Variants in PKNOX1 observed in about 807,000 individuals in gnomAD.
The protein encoded by PKNOX1 is PBX/knotted 1 homeobox 1, also known as homeobox protein PKNOX1.
In PKNOX1, 15 loss-of-function variants were observed where a neutral mutation model predicts 51.9. The observed-to-expected ratio is 0.29, with a 90% CI of 0.19 to 0.45. PKNOX1 has a LOEUF of 0.45. Ranked by LOEUF, PKNOX1 falls within the 20% of genes least tolerant of loss-of-function variation. PKNOX1 has a pLI of 1.00. For missense variants in PKNOX1, 462 were observed against 547.5 expected, an observed-to-expected ratio of 0.84 and a Z score of 1.56; for synonymous variants, 219 against 211.1, an observed-to-expected ratio of 1.04 and a Z score of -0.32.
At chr21:42,998,886 G>A (rs1978622676) in intron 1 of PKNOX1, among the ~76,000 whole-genome samples, 1 of 152,192 alleles carries the variant, frequency 6.6e-6, no homozygotes. Flanking sequence ...CATGGTGCAA[G>A]CTGTTGGTAG....
chr21:43,021,850 G>T lies in PKNOX1; in HGVS notation c.849+419G>T, dbSNP rs1037770994. Among the ~76,000 whole-genome samples, 2 of 152,248 alleles carry T rather than the reference G, an allele frequency of 1.3e-5. No homozygotes were observed. The highest frequency in any genetic ancestry group is 4.8e-5 in the African/African-American group (2 of 41,468). On this transcript the variant is annotated intron_variant, in intron 8 of 10. Coordinates refer to ENST00000291547, the MANE Select transcript of PKNOX1 (RefSeq NM_004571.5). The surrounding 1 kb of genome is among the most constrained non-coding windows in gnomAD (Gnocchi z 4.6). The stretch of plus-strand genomic sequence containing the variant: ...CACCCACAGGTGGGCCACCGGGTGG[G>T]TGCCTTTAGCTGGAAGCGAGTTTGT...
chr21:43,015,743 T>A (rs1178334126), intron 5 of PKNOX1, among the ~76,000 whole-genome samples: 1 of 152,240 alleles, frequency 6.6e-6, no homozygotes, highest in Non-Finnish European at 1.5e-5. Context: ...ATTCTCTTCA[T>A]AGCCTTTTGG....
At position 43,016,398 on chromosome 21, in the gene PKNOX1, G is replaced by A. The variant is rs377752171; in HGVS notation, c.523-510G>A. 1.6e-4 allele frequency among the ~76,000 whole-genome samples: 24 copies of A among 152,330 alleles called. No individual in the cohort carries two copies. In the East Asian group the frequency reaches 2.9e-3, roughly 18 times the overall value. On this transcript the variant is annotated intron_variant, in intron 5 of 10. Transcript: ENST00000291547. ...GCCAAGATCACACTTAGTCCGTGCC[G>A]GGGTCAAGAGTCAAGGTGGGTGCCA...
chr21:43,006,280 C>T (rs928469871), intron 2 of PKNOX1, among the ~76,000 whole-genome samples: 1 of 152,038 alleles, frequency 6.6e-6, no homozygotes, highest in South Asian at 2.1e-4. Flanking sequence ...TGTGCCACCA[C>T]GCCCAGCTAA....
intron 1 of PKNOX1, among the ~76,000 whole-genome samples, chr21:42,994,118 G>A (rs893829523): frequency 7.1e-6 from 1 of 141,006 alleles, no homozygotes; most frequent in Non-Finnish European, 1.5e-5. Flanking sequence ...ACGGCTCACT[G>A]CAGCCTCGAC....
At position 43,028,683 on chromosome 21, in the gene PKNOX1, T is replaced by G. The variant is rs376480532; in HGVS notation, c.927-19T>G. 1 of 1,611,470 alleles carries G rather than the reference T, an allele frequency of 6.2e-7. No individual in the cohort carries two copies. Among genetic ancestry groups the G allele is most frequent in the African/African-American group, 1.3e-5 (1 of 74,634 alleles). On this transcript the variant is annotated intron_variant, in intron 9 of 10. Coordinates refer to ENST00000291547, the MANE Select transcript of PKNOX1 (RefSeq NM_004571.5). ...TTACGAAGGCTGTTTTCATGGAAGC[T>G]TCTCTTTGTTGACTCCAGGTTCATC... is the stretch of plus-strand genomic sequence containing the variant.
chr21:43,002,058 A>G (rs866861814), intron 1 of PKNOX1, among the ~76,000 whole-genome samples: 34 of 152,120 alleles, frequency 2.2e-4, no homozygotes, highest in African/African-American at 6.3e-4. Flanking sequence ...GGGTCTTGCT[A>G]TGTTGCCCAG....
In PKNOX1 at chr21:43,016,917, A is replaced by G. The variant is rs971442451; in HGVS notation, c.532A>G (p.Ser178Gly). The G allele has an allele frequency of 2.5e-6, 4 of 1,603,790 alleles. No individual in the cohort carries two copies. The highest frequency in any genetic ancestry group is 1.7e-4 in the Middle Eastern group (1 of 6,024). ...YSPVQSQQIQSAITGTISPQG... is the reference protein window; with the variant it reads ...YSPVQSQQIQGAITGTISPQG... ...GTGTTCTGACTTGCAGCAGATTCAA[A>G]GTGCCATCACAGGCACCATCAGCCC... Residue 178 changes from serine to glycine, a missense_variant, in exon 6 of 11, where the codon AGT (serine) becomes GGT (glycine). By Grantham distance (56) the Ser-to-Gly change is moderately conservative. Coordinates refer to ENST00000291547, the MANE Select transcript of PKNOX1 (RefSeq NM_004571.5).
At chr21:42,977,985 A>T (rs184981499) in intron 1 of PKNOX1, among the ~76,000 whole-genome samples, 1 of 152,120 alleles carries the variant, frequency 6.6e-6, no homozygotes, top group African/African-American at 2.4e-5. Flanking sequence ...TACTTTCCAC[A>T]TATCACCAAT....
At chr21:43,011,499 C>T (rs1199329389) in intron 4 of PKNOX1, among the ~76,000 whole-genome samples, 1 of 152,196 alleles carries the variant, frequency 6.6e-6, no homozygotes, top group African/African-American at 2.4e-5. Flanking sequence ...CTGGATTGCT[C>T]TGAATGAGCT....
intron 6 of PKNOX1, 86 bp from the exon 7 acceptor site, chr21:43,018,047 C>CCAAA: frequency 3.7e-6 from 1 of 273,750 alleles, no homozygotes; most frequent in South Asian, 2.9e-5. Flanking sequence ...CCTGTCTCTA[C>CCAAA]AAAAAAAAAA....
At chr21:42,997,047 A>AT (rs1978538101) in intron 1 of PKNOX1, among the ~76,000 whole-genome samples, 1 of 151,670 alleles carries the variant, frequency 6.6e-6, no homozygotes, top group Non-Finnish European at 1.5e-5. Flanking sequence ...TGCCCAGCTC[A>AT]TTTTTGTATT....
chr21:42,974,968 C>G (rs1295448660), intron 1 of PKNOX1, among the ~76,000 whole-genome samples: 1 of 146,364 alleles, frequency 6.8e-6, no homozygotes, highest in Admixed American at 6.8e-5. Context: ...TTCTGGAAGG[C>G]GCCGCCGCCG....
Position 43,021,458 on chromosome 21 carries a change from C to G in PKNOX1, c.849+27C>G. 4 of 1,576,790 alleles carry G rather than the reference C, an allele frequency of 2.5e-6. No homozygotes were observed. The highest frequency in any genetic ancestry group is 1.8e-5 in the Admixed American group (1 of 54,868). On this transcript the variant is annotated intron_variant, in intron 8 of 10. Transcript: ENST00000291547. The surrounding 1 kb of genome is among the most constrained non-coding windows in gnomAD (Gnocchi z 4.6). ...TAAGGACGGCTGGGCCAGCCCTTGC[C>G]TTGCAGCCCTCTGCGACGCTTGCTC...
rs1601275593 is a variant in PKNOX1, at chr21:42,989,168, T to A, written c.-57+14504T>A. Among the ~76,000 whole-genome samples, 8 of 152,180 alleles carry A rather than the reference T, an allele frequency of 5.3e-5. No individual in the cohort carries two copies. In the South Asian group the frequency reaches 6.2e-4, roughly 12 times the overall value. On this transcript the variant is annotated intron_variant, in intron 1 of 10. Coordinates refer to ENST00000291547, the MANE Select transcript of PKNOX1 (RefSeq NM_004571.5). The stretch of plus-strand genomic sequence containing the variant: ...GAATAATTTCCAACTTTTTTTTTTT[T>A]GATAAAGGGTCTCACTATGTTGCTG...
chr21:42,990,049 A>T (rs138435620), intron 1 of PKNOX1, among the ~76,000 whole-genome samples: 41 of 151,866 alleles, frequency 2.7e-4, no homozygotes, highest in Admixed American at 1.1e-3. Context: ...AGTGAGCCAG[A>T]TGGTGCCATT....
intron 5 of PKNOX1, among the ~76,000 whole-genome samples, chr21:43,014,321 G>A (rs941936568): frequency 3.3e-5 from 5 of 151,424 alleles, no homozygotes; most frequent in South Asian, 4.2e-4. Flanking sequence ...ACGCCTGGCC[G>A]TCTTTTGCGC....
chr21:43,029,878 A>T lies in PKNOX1; in HGVS notation c.1100-12A>T, dbSNP rs960024315. 2.5e-6 allele frequency: 4 copies of T among 1,608,318 alleles called. No individual in the cohort carries two copies. The African/African-American group carries it at 5.3e-5, about 21-fold the overall frequency. ...CTAATTTAAATAATGACACACCTTC[A>T]TCCTGCCGCAGGAGCTGTTGTCACC... On this transcript the variant is annotated splice_polypyrimidine_tract_variant and intron_variant, in intron 10 of 10. Coordinates refer to ENST00000291547, the MANE Select transcript of PKNOX1 (RefSeq NM_004571.5).
intron 1 of PKNOX1, among the ~76,000 whole-genome samples, chr21:42,990,123 C>T (rs918495985): frequency 2.3e-4 from 35 of 151,326 alleles, no homozygotes; most frequent in Admixed American, 6.6e-4. Context: ...TAATAATAAG[C>T]GGACACAGTG....
Sources: allele counts gnomAD v4.1 joint callset (sites outside exome capture counted in the v4.1 genomes callset), GRCh38; gene constraint gnomAD v4.1.1; non-coding constraint Gnocchi (gnomAD v3.1); transcripts MANE v1.5; gene names NCBI Gene and HGNC (gene_info 2026-07-23, HGNC 2026-07-21).